Variants in MTCL2 observed in about 807,000 individuals in gnomAD.
The protein encoded by MTCL2 is microtubule crosslinking factor 2.
At chr20:36,824,998 G>A in the MTCL2 span, among the ~76,000 whole-genome samples, 3 of 150,616 alleles carry the variant, frequency 2.0e-5, no homozygotes, top group South Asian at 6.3e-4. Flanking sequence ...GGAGTGCAAT[G>A]ATGGGATGTC....
chr20:36,845,010 C>CAAAAAAAAAA, the MTCL2 span, among the ~76,000 whole-genome samples: 1 of 127,096 alleles, frequency 7.9e-6, no homozygotes, highest in Non-Finnish European at 1.6e-5. Context: ...GATTCTGTCT[C>CAAAAAAAAAA]AAAAAAAAAA....
the MTCL2 span, among the ~76,000 whole-genome samples, chr20:36,855,331 C>T: frequency 1.3e-5 from 2 of 152,236 alleles, no homozygotes; most frequent in Non-Finnish European, 2.9e-5. Context: ...CAGCTTGGCT[C>T]CAGATCACAG....
chr20:36,796,247 T>C, the MTCL2 span, among the ~76,000 whole-genome samples: 1 of 152,228 alleles, frequency 6.6e-6, no homozygotes, highest in Non-Finnish European at 1.5e-5. Context: ...AGGCAGCTCC[T>C]ATCATCCCCA....
the MTCL2 span, chr20:36,810,184 T>C: frequency 6.7e-7 from 1 of 1,498,594 alleles, no homozygotes; most frequent in Non-Finnish European, 9.0e-7. Context: ...GATCTAAGGA[T>C]GACAGTGGTA....
At chr20:36,781,129 C>T in the MTCL2 span, 3 of 152,142 alleles carry the variant, frequency 2.0e-5, no homozygotes, top group Non-Finnish European at 4.4e-5. Flanking sequence ...TTGTAAATAG[C>T]CTCTGATGCT....
At chr20:36,806,018 C>A in the MTCL2 span, 7 of 1,430,168 alleles carry the variant, frequency 4.9e-6, no homozygotes, top group East Asian at 1.4e-4. Context: ...TTAATTCCAA[C>A]CTTGGGCACC....
the MTCL2 span, among the ~76,000 whole-genome samples, chr20:36,811,628 TAA>T: frequency 7.2e-6 from 1 of 138,346 alleles, no homozygotes; most frequent in Non-Finnish European, 1.6e-5. Context: ...AGACTCAGTC[TAA>T]AAAAAAAAAA....
At chr20:36,839,783 T>G in the MTCL2 span, among the ~76,000 whole-genome samples, 1 of 152,166 alleles carries the variant, frequency 6.6e-6, no homozygotes. The surrounding 1 kb of genome is among the most constrained non-coding windows in gnomAD (Gnocchi z 5.1). Flanking sequence ...CCTGGAGCCT[T>G]CCCGAGGAAT....
chr20:36,807,181 G>C, the MTCL2 span, among the ~76,000 whole-genome samples: 22 of 152,214 alleles, frequency 1.4e-4, no homozygotes, highest in Non-Finnish European at 2.1e-4. Context: ...TCTCCCATGA[G>C]GCCCTGGGGA....
chr20:36,791,555 CAG>C, the MTCL2 span, among the ~76,000 whole-genome samples: 1 of 152,212 alleles, frequency 6.6e-6, no homozygotes, highest in Admixed American at 6.5e-5. Context: ...CTGTGCCCCA[CAG>C]CAGACCACAT....
chr20:36,838,092 G>A, the MTCL2 span, among the ~76,000 whole-genome samples: 1 of 150,988 alleles, frequency 6.6e-6, no homozygotes, highest in African/African-American at 2.4e-5. Flanking sequence ...CTGTCGCCCA[G>A]GCTGGAGTGC....
chr20:36,784,216 G>C, the MTCL2 span: 1 of 986,290 alleles, frequency 1.0e-6, no homozygotes, highest in Non-Finnish European at 1.2e-6. Context: ...ACCTTGGAGG[G>C]CCCCCCTGAC....
At chr20:36,809,457 C>A in the MTCL2 span, among the ~76,000 whole-genome samples, 2 of 151,466 alleles carry the variant, frequency 1.3e-5, no homozygotes, top group Non-Finnish European at 3.0e-5. Flanking sequence ...GGACTGGCCC[C>A]AGGTCCCACA....
chr20:36,826,008 CTTT>C, the MTCL2 span, among the ~76,000 whole-genome samples: 5 of 26,788 alleles, frequency 1.9e-4, no homozygotes, highest in Non-Finnish European at 5.1e-4. Flanking sequence ...ACTTTCTTTT[CTTT>C]TTTTTTTTTC....
chr20:36,808,657 G>C, the MTCL2 span: 1 of 1,612,350 alleles, frequency 6.2e-7, no homozygotes. Context: ...CCTGGCTCCA[G>C]AATTTCTGCT....
chr20:36,827,294 C>T, the MTCL2 span, among the ~76,000 whole-genome samples: 1 of 151,596 alleles, frequency 6.6e-6, no homozygotes, highest in African/African-American at 2.4e-5. Flanking sequence ...CTCAGGTGAT[C>T]CACCCACCTC....
chr20:36,791,423 A>T, the MTCL2 span, among the ~76,000 whole-genome samples: 1 of 152,234 alleles, frequency 6.6e-6, no homozygotes, highest in Non-Finnish European at 1.5e-5. Flanking sequence ...TTGCACCAAG[A>T]TGTTCACCAC....
chr20:36,846,205 CAA>C, the MTCL2 span, among the ~76,000 whole-genome samples: 17 of 122,346 alleles, frequency 1.4e-4, no homozygotes, highest in Admixed American at 8.5e-5. Context: ...GACTGTGTCT[CAA>C]AAAAAAAAAA....
the MTCL2 span, chr20:36,812,764 G>C: frequency 6.2e-7 from 1 of 1,613,854 alleles, no homozygotes; most frequent in Admixed American, 1.7e-5. Context: ...GGCTGGGGTC[G>C]GGCTTAGAGT....
Sources: gnomAD v4.1 joint callset for allele counts (sites outside exome capture counted in the v4.1 genomes callset) on GRCh38, gnomAD v4.1.1 for gene constraint, Gnocchi (gnomAD v3.1) non-coding constraint, MANE v1.5 for transcripts, NCBI Gene and HGNC (gene_info 2026-07-23, HGNC 2026-07-21) for gene names.